Variants in ISY1 observed in about 807,000 individuals in gnomAD.
ISY1 encodes the protein pre-mRNA-splicing factor ISY1 homolog.
A neutral mutation model predicts 54.4 loss-of-function variants in ISY1; 12 were observed. The ratio of observed to expected loss-of-function variants is 0.22; its 90% CI spans 0.14 to 0.36. The LOEUF (loss-of-function observed/expected upper bound fraction) is 0.36. ISY1 is among the 10% of genes least tolerant of loss of function. The pLI, the probability that ISY1 is intolerant of heterozygous loss-of-function variation, is 1.00. For synonymous variants in ISY1, 96 were observed against 117.9 expected (o/e 0.81, Z 1.20); for missense variants, 282 against 342.2 (o/e 0.82, Z 1.39).
intron 7 of ISY1, among the ~76,000 whole-genome samples, chr3:129,139,646 CCTT>C (rs1936546801): frequency 6.6e-6 from 1 of 151,740 alleles, no homozygotes; most frequent in Non-Finnish European, 1.5e-5. Flanking sequence ...CCACTTTTCT[CCTT>C]TTTTTTTTTT....
At position 129,129,941 on chromosome 3, in the gene ISY1, C is replaced by T. The variant is rs982682637; in HGVS notation, c.*140G>A. 9.8e-6 allele frequency: 6 copies of T among 614,434 alleles called. No individual in the cohort carries two copies. The South Asian group carries it at 1.1e-4, about 11-fold the overall frequency. 38.1% of individuals were successfully genotyped at this position (614,434 alleles called of 1,614,324 possible). ...AGACCAGGGACAGACCCCTACCCTCCGGTCAACATGAGACAAGGAGAGGGA... is the reference window on the plus strand; with the variant it reads ...AGACCAGGGACAGACCCCTACCCTCTGGTCAACATGAGACAAGGAGAGGGA... On this transcript the variant is annotated 3_prime_UTR_variant, in exon 11 of 11. Transcript: ENST00000393295.
At chr3:129,146,916 G>C (rs1271870912) in intron 5 of ISY1, among the ~76,000 whole-genome samples, 2 of 152,072 alleles carry the variant, frequency 1.3e-5, no homozygotes, top group Non-Finnish European at 2.9e-5. Context: ...AAAATTAACT[G>C]GGTGTGGTGG....
chr3:129,145,617 G>T, intron 6 of ISY1, 144 bp downstream of exon 6: 1 of 691,846 alleles, frequency 1.4e-6, no homozygotes. Context: ...TGTGATGCAT[G>T]TGCTGTGAGG....
intron 6 of ISY1, among the ~76,000 whole-genome samples, chr3:129,140,864 T>C (rs1323489372): frequency 6.6e-6 from 1 of 151,344 alleles, no homozygotes; most frequent in African/African-American, 2.4e-5. Context: ...CCACTGCGCC[T>C]GGCAGATCTG....
intron 6 of ISY1, among the ~76,000 whole-genome samples, chr3:129,143,777 T>C (rs934377529): frequency 2.6e-5 from 4 of 151,942 alleles, no homozygotes; most frequent in African/African-American, 9.7e-5. Context: ...ACCAAAATTG[T>C]ACATACAGTG....
Position 129,127,757 on chromosome 3 carries a change from G to A in ISY1, c.*2324C>T, listed in dbSNP as rs1025402024. On this transcript the variant is annotated 3_prime_UTR_variant, in exon 11 of 11. Coordinates refer to ENST00000393295, the MANE Select transcript of ISY1 (RefSeq NM_020701.4). ...GGGGATCCCTGAAGAGATCCCAGGAGGGGAGTGCTTTGTGCACTGAAGGCG... is the reference window on the plus strand; with the variant it reads ...GGGGATCCCTGAAGAGATCCCAGGAAGGGAGTGCTTTGTGCACTGAAGGCG... The A allele has an allele frequency of 1.3e-5, 2 of 152,328 alleles. No homozygotes were observed. The highest frequency in any genetic ancestry group is 2.9e-5 in the Non-Finnish European group (2 of 68,100). 9.4% of individuals were successfully genotyped at this position (152,328 alleles called of 1,614,324 possible). A position where few individuals can be genotyped will look rare whatever the true frequency, so the allele number is the denominator to read the frequency against.
rs368185221 is a variant in ISY1, at chr3:129,149,917, T to C, written c.188-4044A>G. Among the ~76,000 whole-genome samples, 15 of 148,436 alleles carry C rather than the reference T, an allele frequency of 1.0e-4. No individual in the cohort carries two copies. In the East Asian group the frequency reaches 2.9e-3, roughly 29 times the overall value. On this transcript the variant is annotated intron_variant, in intron 5 of 10. Transcript: ENST00000393295. ...TGAGCCCAAGAGGTGGACGCTGCAG[T>C]GAGCTATGACTGCACCACTGTACTC...
chr3:129,157,768 G>T (rs1404042995), intron 3 of ISY1, among the ~76,000 whole-genome samples: 1 of 138,906 alleles, frequency 7.2e-6, no homozygotes, highest in South Asian at 2.5e-4. Context: ...TAATACAGAA[G>T]AAACTGAAAA....
At position 129,135,048 on chromosome 3, in the gene ISY1, G is replaced by A. The variant is rs944225117; in HGVS notation, c.419-94C>T. On this transcript the variant is annotated intron_variant, in intron 7 of 10. Transcript: ENST00000393295. ...GCAACGCTATACACACACGTGGCAC[G>A]TATGTTCATGAAAATACCAGGTGGG... 39 of 1,435,286 alleles carry A rather than the reference G, an allele frequency of 2.7e-5. 1 individual carries two copies. Among genetic ancestry groups the A allele is most frequent in the African/African-American group, 2.2e-4 (15 of 69,466 alleles). 88.9% of individuals were successfully genotyped at this position (1,435,286 alleles called of 1,614,324 possible).
At chr3:129,137,796 C>A (rs1454692622) in intron 7 of ISY1, among the ~76,000 whole-genome samples, 2 of 148,500 alleles carry the variant, frequency 1.3e-5, no homozygotes, top group Non-Finnish European at 3.0e-5. Context: ...CCTATAGTCC[C>A]AGCTACTCGG....
intron 5 of ISY1, among the ~76,000 whole-genome samples, chr3:129,154,406 C>CTCTA (rs1937070229): frequency 7.7e-6 from 1 of 130,634 alleles, no homozygotes; most frequent in South Asian, 2.7e-4. Flanking sequence ...CGCCACTGCA[C>CTCTA]TCTAGCCTGG....
intron 3 of ISY1, among the ~76,000 whole-genome samples, chr3:129,158,202 G>A (rs1937202549): frequency 1.4e-5 from 2 of 147,500 alleles, no homozygotes; most frequent in South Asian, 4.3e-4. Context: ...CACCCAGGCT[G>A]GAGTGCAGTG....
At chr3:129,142,277 C>T (rs1936643834) in intron 6 of ISY1, among the ~76,000 whole-genome samples, 1 of 151,194 alleles carries the variant, frequency 6.6e-6, no homozygotes, top group Non-Finnish European at 1.5e-5. Flanking sequence ...TCCTGTACTG[C>T]AGGGGAAATG....
chr3:129,152,279 T>C (rs1461923407), intron 5 of ISY1, among the ~76,000 whole-genome samples: 1 of 152,242 alleles, frequency 6.6e-6, no homozygotes, highest in African/African-American at 2.4e-5. Flanking sequence ...TCTACTTAGA[T>C]CATACAGTTT....
At chr3:129,147,321 G>A (rs2107612137) in intron 5 of ISY1, among the ~76,000 whole-genome samples, 1 of 152,062 alleles carries the variant, frequency 6.6e-6, no homozygotes, top group East Asian at 1.9e-4. Flanking sequence ...AGGTTGCACT[G>A]AGCCAAGATC....
intron 4 of ISY1, 51 bp downstream of exon 4, chr3:129,156,804 G>A (rs201452150): frequency 3.4e-4 from 538 of 1,592,896 alleles, no homozygotes; most frequent in Non-Finnish European, 4.3e-4. Flanking sequence ...ATAATAAGAA[G>A]AAATGAGAGA....
intron 7 of ISY1, chr3:129,137,298 G>C: frequency 1.4e-6 from 1 of 738,492 alleles, no homozygotes; most frequent in South Asian, 6.1e-5. Context: ...GAGTGTAGAG[G>C]TAAGAGGACT....
chr3:129,153,985 G>A (rs2107618070), intron 5 of ISY1, among the ~76,000 whole-genome samples: 1 of 152,040 alleles, frequency 6.6e-6, no homozygotes, highest in African/African-American at 2.4e-5. Context: ...GCTCACGCCT[G>A]TAATCCCAGC....
intron 5 of ISY1, among the ~76,000 whole-genome samples, chr3:129,147,945 T>A (rs1002901262): frequency 6.6e-6 from 1 of 152,080 alleles, no homozygotes; most frequent in Non-Finnish European, 1.5e-5. Flanking sequence ...TATTTATTTT[T>A]TTTATTTTTA....
Sources: gnomAD v4.1 joint callset for allele counts (sites outside exome capture counted in the v4.1 genomes callset) on GRCh38, gnomAD v4.1.1 for gene constraint, MANE v1.5 for transcripts, NCBI Gene and HGNC (gene_info 2026-07-23, HGNC 2026-07-21) for gene names.